CASD1: variants seen among roughly 807,000 people sequenced by gnomAD.
The protein encoded by CASD1 is CAS1 domain sialic acid O acetyltransferase 1.
Under a neutral mutation model 100.0 loss-of-function variants are expected in CASD1, and 41 were observed. That is an observed-to-expected ratio of 0.41 (90% CI 0.32 to 0.53). CASD1 has a LOEUF of 0.53. Among genes scored for constraint, CASD1 ranks in the 20% least tolerant of loss-of-function variants. The pLI is 0.25. For missense variants in CASD1, 774 were observed against 948.7 expected, an observed-to-expected ratio of 0.82 and a Z score of 2.42; for synonymous variants, 321 against 315.6, an observed-to-expected ratio of 1.02 and a Z score of -0.18.
the CASD1 span, chr7:94,587,350 A>T: frequency 2.9e-6 from 3 of 1,021,844 alleles, no homozygotes. Context: ...AAATACTCAA[A>T]ATAAATATTT....
the CASD1 span, chr7:94,585,547 G>A: frequency 1.3e-6 from 2 of 1,484,976 alleles, no homozygotes; most frequent in Non-Finnish European, 1.9e-6. Context: ...ATGGGCAGGA[G>A]TTAGTCAGGG....
the CASD1 span, chr7:94,590,975 A>ACT: frequency 3.9e-5 from 6 of 152,174 alleles, no homozygotes; most frequent in Non-Finnish European, 2.9e-5. Context: ...TCCACTTTAA[A>ACT]GATATTACTA....
At chr7:94,614,106 T>TAAAA in the CASD1 span, among the ~76,000 whole-genome samples, 166 of 54,956 alleles carry the variant, frequency 3.0e-3, 3 homozygotes, top group Non-Finnish European at 4.2e-3. Context: ...CAAATTGAAA[T>TAAAA]CAAAAAAAAA....
the CASD1 span, chr7:94,598,087 A>C: frequency 6.4e-6 from 1 of 156,886 alleles, no homozygotes; most frequent in Non-Finnish European, 1.4e-5. Flanking sequence ...AAATGTGGCC[A>C]CTAGGCTACA....
In CASD1 at chr7:94,524,368, C is replaced by G. The variant is rs115929718; in HGVS notation, c.352-2794C>G. ...AACTGCAAACTAATGAAAAAGATAA[C>G]CCAGTAGACAAAAGGTGGGGGTCAG... On this transcript the variant is annotated intron_variant, in intron 3 of 17. Coordinates refer to ENST00000297273, the MANE Select transcript of CASD1 (RefSeq NM_022900.5). 1.0e-3 allele frequency: 158 copies of G among 151,968 alleles called. 1 individual carries two copies. The highest frequency in any genetic ancestry group is 3.7e-3 in the African/African-American group (154 of 41,480). The allele number at this position is 151,968 out of a possible 1,614,324, so 9.4% of individuals were successfully genotyped here.
the CASD1 span, chr7:94,599,586 C>T: frequency 1.2e-6 from 1 of 864,562 alleles, no homozygotes; most frequent in Non-Finnish European, 1.9e-6. Context: ...ATGAAATAAA[C>T]TATGAAAGAT....
the CASD1 span, among the ~76,000 whole-genome samples, chr7:94,613,861 T>G: frequency 1.2e-3 from 182 of 152,228 alleles, no homozygotes; most frequent in African/African-American, 4.3e-3. Context: ...AGCACAAAAC[T>G]TCCTGCCTTT....
intron 3 of CASD1, among the ~76,000 whole-genome samples, chr7:94,520,174 A>C (rs1794190235): frequency 6.6e-6 from 1 of 152,196 alleles, no homozygotes; most frequent in Admixed American, 6.5e-5. Flanking sequence ...CTAGTGGAGC[A>C]TTTGCCAAAT....
chr7:94,611,824 AT>A, the CASD1 span, among the ~76,000 whole-genome samples: 1 of 152,204 alleles, frequency 6.6e-6, no homozygotes, highest in African/African-American at 2.4e-5. Flanking sequence ...TCAAATTTAT[AT>A]TAGGATTTAA....
chr7:94,590,200 C>T, the CASD1 span, among the ~76,000 whole-genome samples: 18 of 152,104 alleles, frequency 1.2e-4, no homozygotes, highest in African/African-American at 4.3e-4. Context: ...GAACTTGTTA[C>T]AGCATACAGG....
intron 10 of CASD1, 119 bp downstream of exon 10, chr7:94,539,175 T>C (rs1795263863): frequency 4.6e-6 from 2 of 433,116 alleles, no homozygotes; most frequent in South Asian, 1.5e-4. Flanking sequence ...CCTTCTTATT[T>C]CCCACTTAAT....
chr7:94,632,168 A>G, the CASD1 span, among the ~76,000 whole-genome samples: 1 of 151,976 alleles, frequency 6.6e-6, no homozygotes, highest in Non-Finnish European at 1.5e-5. Context: ...ATTTGCTGCT[A>G]TAAGGTGGTA....
intron 3 of CASD1, among the ~76,000 whole-genome samples, chr7:94,521,646 G>T (rs548530158): frequency 6.6e-6 from 1 of 152,140 alleles, no homozygotes; most frequent in Admixed American, 6.5e-5. Flanking sequence ...TGCCAAATAT[G>T]TATTTTATAC....
chr7:94,566,911 G>A, the CASD1 span, among the ~76,000 whole-genome samples: 356 of 152,238 alleles, frequency 2.3e-3, no homozygotes, highest in African/African-American at 8.2e-3. Flanking sequence ...TGGTGTGGCA[G>A]TATGATGGCT....
chr7:94,598,007 T>TAAA, the CASD1 span: 1 of 153,494 alleles, frequency 6.5e-6, no homozygotes, highest in Non-Finnish European at 1.4e-5. Flanking sequence ...AACTCCATCT[T>TAAA]AAAAAAAAAA....
the CASD1 span, among the ~76,000 whole-genome samples, chr7:94,580,793 A>G: frequency 6.6e-6 from 1 of 152,242 alleles, no homozygotes; most frequent in African/African-American, 2.4e-5. Context: ...TTCGCATACC[A>G]GCACTGAAAC....
In CASD1 at chr7:94,527,202, A is replaced by C; in HGVS notation, c.392A>C (p.Lys131Thr). 1.2e-6 allele frequency: 2 copies of C among 1,607,182 alleles called. No individual in the cohort carries two copies. Among genetic ancestry groups the C allele is most frequent in the African/African-American group, 1.3e-5 (1 of 74,926 alleles). Residue 131 changes from lysine (K) to threonine (T), a missense_variant, in exon 4 of 18, where the codon AAA becomes ACA. Lys to Thr is a moderately conservative substitution (Grantham distance 78). Around this residue, in one of 5 missense-constraint regions of CASD1, gnomAD observed 61 missense variants for 115.9 expected, o/e 0.53. Transcript: ENST00000297273. ...TTTGAAGACAAGACTGCATCAGTTAAAGTGGTAAGTTCATGTAATAGTAAG... is the reference window on the plus strand; with the variant it reads ...TTTGAAGACAAGACTGCATCAGTTACAGTGGTAAGTTCATGTAATAGTAAG... Reference protein sequence around the residue: ...IPFEDKTASVKVDFLWHPEVN... With the variant: ...IPFEDKTASVTVDFLWHPEVN...
the CASD1 span, among the ~76,000 whole-genome samples, chr7:94,584,265 T>C: frequency 1.3e-5 from 2 of 152,198 alleles, no homozygotes; most frequent in Non-Finnish European, 2.9e-5. Context: ...CAACAGTTTG[T>C]TTACTCTGTG....
intron 1 of CASD1, among the ~76,000 whole-genome samples, chr7:94,513,130 A>G (rs1253065440): frequency 6.6e-6 from 1 of 152,116 alleles, no homozygotes; most frequent in Non-Finnish European, 1.5e-5. Context: ...TGAGGTCAGG[A>G]GTTCAAGACC....
Sources: allele counts gnomAD v4.1 joint callset (sites outside exome capture counted in the v4.1 genomes callset), GRCh38; gene constraint gnomAD v4.1.1; regional missense constraint gnomAD v4.1.1; transcripts MANE v1.5; gene names NCBI Gene and HGNC (gene_info 2026-07-23, HGNC 2026-07-21).